Variants in SPOUT1 observed in about 807,000 individuals in gnomAD.
The protein encoded by SPOUT1 is 28S rRNA (uridine-N(3))-methyltransferase.
In SPOUT1, 40 loss-of-function variants were observed where a neutral mutation model predicts 54.8. The ratio of observed to expected loss-of-function variants is 0.73; its 90% CI spans 0.57 to 0.95. SPOUT1 has a LOEUF of 0.95. SPOUT1 is among the 40% of genes least tolerant of loss of function. SPOUT1 has a pLI of 0.00. For synonymous variants in SPOUT1, 193 were observed against 200.3 expected (o/e 0.96, Z 0.31); for missense variants, 437 against 499.5 (o/e 0.87, Z 1.19).
Position 128,822,668 on chromosome 9 carries a change from A to G in SPOUT1, c.*97T>C. On this transcript the variant is annotated 3_prime_UTR_variant, in exon 12 of 12. Transcript: ENST00000361256. ...AGGCCGGGGAGTATTAAAGGTGGTG[A>G]TTTTTGGAGACAAGTCTGGTGGCGT... 6.4e-7 allele frequency: 1 copy of G among 1,553,928 alleles called. No individual in the cohort carries two copies. The highest frequency in any genetic ancestry group is 1.4e-5 in the African/African-American group (1 of 73,390).
intron 11 of SPOUT1, among the ~76,000 whole-genome samples, chr9:128,823,133 G>C (rs376972609): frequency 6.6e-6 from 1 of 152,184 alleles, no homozygotes; most frequent in East Asian, 1.9e-4. Context: ...CCTCGTGCAG[G>C]GGTTGGAAGG....
At position 128,822,341 on chromosome 9, in the gene SPOUT1, G is replaced by A. The variant is rs753383854; in HGVS notation, c.*424C>T. ...GTCTGCCCACAGGACAGAGGCTGAT[G>A]GGAAATCCTACGTAAAGTACCAGGT... On this transcript the variant is annotated 3_prime_UTR_variant, in exon 12 of 12. Coordinates refer to ENST00000361256, the MANE Select transcript of SPOUT1 (RefSeq NM_016390.4). 5 of 1,613,610 alleles carry A rather than the reference G, an allele frequency of 3.1e-6. No individual in the cohort carries two copies. The East Asian group carries it at 8.9e-5, about 29-fold the overall frequency.
At chr9:128,825,903 A>C in intron 7 of SPOUT1, 119 bp downstream of exon 7, 1 of 1,336,852 alleles carries the variant, frequency 7.5e-7, no homozygotes. Flanking sequence ...CTCTGGCCCA[A>C]ATTTGCATCA....
chr9:128,829,744 C>G lies in SPOUT1; in HGVS notation c.36+1G>C, dbSNP rs757167468. 2 of 1,600,504 alleles carry G rather than the reference C, an allele frequency of 1.2e-6. No homozygotes were observed. The highest frequency in any genetic ancestry group is 1.7e-6 in the Non-Finnish European group (2 of 1,174,156). ...CACGGGGTCCCGCCGCCCGCACTTACCGGGCCGCACGGCCGCTTCCTGCCG... is the reference window on the plus strand; with the variant it reads ...CACGGGGTCCCGCCGCCCGCACTTAGCGGGCCGCACGGCCGCTTCCTGCCG... On this transcript the variant is annotated splice_donor_variant, in intron 1 of 11. Coordinates refer to ENST00000361256, the MANE Select transcript of SPOUT1 (RefSeq NM_016390.4). LOFTEE classifies it high-confidence loss of function.
At chr9:128,828,699 C>T in intron 3 of SPOUT1, 36 bp downstream of exon 3, 4 of 1,610,322 alleles carry the variant, frequency 2.5e-6, no homozygotes, top group Middle Eastern at 2.1e-4. Context: ...CTACCGTGGG[C>T]CACAACCTGT....
At position 128,822,850 on chromosome 9, in the gene SPOUT1, G is replaced by A. The variant is rs1026092957; in HGVS notation, c.1063-17C>T. ...GATGGCTTCCTGGAAGAGAAGCGTG[G>A]CAGTGGGCTGGGGCCTGGGGGGCTA... On this transcript the variant is annotated splice_polypyrimidine_tract_variant and intron_variant, in intron 11 of 11. Transcript: ENST00000361256. 3.2e-6 allele frequency: 5 copies of A among 1,558,858 alleles called. No individual in the cohort carries two copies. In the African/African-American group the frequency reaches 6.8e-5, roughly 21 times the overall value.
rs369635561 is a variant in SPOUT1 at position 128,822,444 on chromosome 9, A to G, written c.*321T>C. ...CTGGAGGCAGCAGGTGGGCAAATTG[A>G]GCTCCGCACCTACGTGATGCCCAAC... On this transcript the variant is annotated 3_prime_UTR_variant, in exon 12 of 12. Transcript: ENST00000361256. The G allele has an allele frequency of 3.3e-5, 52 of 1,592,910 alleles. No homozygotes were observed. The African/African-American group carries it at 6.9e-4, about 21-fold the overall frequency.
chr9:128,820,441 C>T lies in SPOUT1; in HGVS notation c.*2324G>A. 2.8e-6 allele frequency: 1 copy of T among 356,696 alleles called. No individual in the cohort carries two copies. Among genetic ancestry groups the T allele is most frequent in the Middle Eastern group, 8.1e-4 (1 of 1,234 alleles). The allele number at this position is 356,696 out of a possible 1,614,324, so 22.1% of individuals were successfully genotyped here. A position where few individuals can be genotyped will look rare whatever the true frequency, so the allele number is the denominator to read the frequency against. ...TCTTCCCAGGAGACCCTGGGTGGGG[C>T]TGGGGACAGGCCTCAGTCCTCTCTG... On this transcript the variant is annotated 3_prime_UTR_variant, in exon 12 of 12. Transcript: ENST00000361256.
intron 1 of SPOUT1, 28 bp from the exon 2 acceptor site, chr9:128,829,183 G>A (rs1415550330): frequency 6.2e-7 from 1 of 1,602,372 alleles, no homozygotes; most frequent in African/African-American, 1.3e-5. Flanking sequence ...GGAGGATTAT[G>A]AGTGTGAGGC....
chr9:128,828,495 CAAAA>C (rs11475667), intron 3 of SPOUT1, among the ~76,000 whole-genome samples: 1 of 141,828 alleles, frequency 7.1e-6, no homozygotes, highest in Admixed American at 7.1e-5. Context: ...GACTCCATCT[CAAAA>C]AAAAAAAAAA....
At position 128,828,763 on chromosome 9, in the gene SPOUT1, C is replaced by T. The variant is rs1223542867; in HGVS notation, c.180G>A (p.Glu60=). 6.2e-7 allele frequency: 1 copy of T among 1,614,144 alleles called. No individual in the cohort carries two copies. The highest frequency in any genetic ancestry group is 8.5e-7 in the Non-Finnish European group (1 of 1,180,044). The part of the protein sequence containing the change: ...QEEQAKRLEE[E]EAAAEKEDRG... ...GGTCCTCCTTCTCTGCCGCTGCCTCCTCCTCTTCCAGGCGCTTTGCCTGTT... is the reference window on the plus strand; with the variant it reads ...GGTCCTCCTTCTCTGCCGCTGCCTCTTCCTCTTCCAGGCGCTTTGCCTGTT... Residue 60 remains glutamate (E), a synonymous_variant, in exon 3 of 12, where the codon GAG becomes GAA. Coordinates refer to ENST00000361256, the MANE Select transcript of SPOUT1 (RefSeq NM_016390.4).
intron 7 of SPOUT1, 121 bp downstream of exon 7, chr9:128,825,901 C>G: frequency 1.5e-6 from 2 of 1,317,096 alleles, no homozygotes; most frequent in South Asian, 2.7e-5. Flanking sequence ...TTCTCTGGCC[C>G]AAATTTGCAT....
rs1248178266 is a variant in SPOUT1 at position 128,821,313 on chromosome 9, C to T, written c.*1452G>A. The T allele has an allele frequency of 5.5e-6, 1 of 182,354 alleles. No homozygotes were observed. The highest frequency in any genetic ancestry group is 6.1e-5 in the Admixed American group (1 of 16,432). The allele number at this position is 182,354 out of a possible 1,614,324, so 11.3% of individuals were successfully genotyped here. On this transcript the variant is annotated 3_prime_UTR_variant, in exon 12 of 12. Transcript: ENST00000361256. The stretch of plus-strand genomic sequence containing the variant: ...GGTGCACCGAGCTCTCCCGCCTTCC[C>T]CATGCAGGTCCCCAGTGCACCGAGC...
At position 128,826,350 on chromosome 9, in the gene SPOUT1, G is replaced by C. The variant is rs1332424892; in HGVS notation, c.508+34C>G. 1 of 1,610,808 alleles carries C rather than the reference G, an allele frequency of 6.2e-7. No individual in the cohort carries two copies. The highest frequency in any genetic ancestry group is 8.5e-7 in the Non-Finnish European group (1 of 1,177,058). On this transcript the variant is annotated intron_variant, in intron 6 of 11. Coordinates refer to ENST00000361256, the MANE Select transcript of SPOUT1 (RefSeq NM_016390.4). The surrounding 1 kb of genome is among the most constrained non-coding windows in gnomAD (Gnocchi z 5.5). ...GTCTCAGTGTCTGTGGCATGATCCAGGGGAAATGGGGGGGCGGGCCCATAC... is the reference window on the plus strand; with the variant it reads ...GTCTCAGTGTCTGTGGCATGATCCACGGGAAATGGGGGGGCGGGCCCATAC...
Position 128,820,783 on chromosome 9 carries a change from T to C in SPOUT1, c.*1982A>G, listed in dbSNP as rs759763346. Reference sequence around the variant, plus strand: ...ATGCCTGGAACAACCTGGAGAAATATAGCCGCAGCTTGACCCGCAGCTACC... The same window carrying C: ...ATGCCTGGAACAACCTGGAGAAATACAGCCGCAGCTTGACCCGCAGCTACC... On this transcript the variant is annotated 3_prime_UTR_variant, in exon 12 of 12. Coordinates refer to ENST00000361256, the MANE Select transcript of SPOUT1 (RefSeq NM_016390.4). The C allele has an allele frequency of 7.4e-6, 12 of 1,612,302 alleles. No individual in the cohort carries two copies. The highest frequency in any genetic ancestry group is 1.3e-5 in the African/African-American group (1 of 74,844).
chr9:128,822,530 C>T lies in SPOUT1; in HGVS notation c.*235G>A, dbSNP rs769611074. Reference sequence around the variant, plus strand: ...CCTGGTGCCCATCGAGAGCATTGAGCGGGCTTCGGGGCTGCTCTTTGTGCC... The same window carrying T: ...CCTGGTGCCCATCGAGAGCATTGAGTGGGCTTCGGGGCTGCTCTTTGTGCC... On this transcript the variant is annotated 3_prime_UTR_variant, in exon 12 of 12. Coordinates refer to ENST00000361256, the MANE Select transcript of SPOUT1 (RefSeq NM_016390.4). 1.6e-5 allele frequency: 25 copies of T among 1,559,014 alleles called. No homozygotes were observed. The highest frequency in any genetic ancestry group is 5.8e-5 in the Admixed American group (3 of 51,360).
At chr9:128,827,502 A>T (rs1290050208) in intron 3 of SPOUT1, among the ~76,000 whole-genome samples, 1 of 152,254 alleles carries the variant, frequency 6.6e-6, no homozygotes, top group East Asian at 1.9e-4. Context: ...ATGAAAGCTG[A>T]TATCTAATAA....
chr9:128,820,986 C>T lies in SPOUT1; in HGVS notation c.*1779G>A, dbSNP rs1049708580. 14 of 745,744 alleles carry T rather than the reference C, an allele frequency of 1.9e-5. No individual in the cohort carries two copies. The African/African-American group carries it at 2.4e-4, about 13-fold the overall frequency. The allele number at this position is 745,744 out of a possible 1,614,324, so 46.2% of individuals were successfully genotyped here. The stretch of plus-strand genomic sequence containing the variant: ...TCTGGTTTCTTGGCAAGCCTGTCAG[C>T]TTCCCTGCCTCGAGTCCCCTCATTC... On this transcript the variant is annotated 3_prime_UTR_variant, in exon 12 of 12. Coordinates refer to ENST00000361256, the MANE Select transcript of SPOUT1 (RefSeq NM_016390.4).
chr9:128,824,960 G>C lies in SPOUT1; in HGVS notation c.712+17C>G, dbSNP rs565571532. On this transcript the variant is annotated intron_variant, in intron 8 of 11. Coordinates refer to ENST00000361256, the MANE Select transcript of SPOUT1 (RefSeq NM_016390.4). ...GCTCATCAGGCCAACCCAGGGGTTGGGGAACCTTCCAGATACCTGGGTGCT... is the reference window on the plus strand; with the variant it reads ...GCTCATCAGGCCAACCCAGGGGTTGCGGAACCTTCCAGATACCTGGGTGCT... 1.1e-4 allele frequency: 177 copies of C among 1,606,128 alleles called. 3 individuals carry two copies. In the South Asian group the frequency reaches 1.6e-3, roughly 15 times the overall value.
Sources: allele counts gnomAD v4.1 joint callset (sites outside exome capture counted in the v4.1 genomes callset), GRCh38; gene constraint gnomAD v4.1.1; non-coding constraint Gnocchi (gnomAD v3.1); transcripts MANE v1.5; gene names NCBI Gene and HGNC (gene_info 2026-07-23, HGNC 2026-07-21).